LRP2: variants seen among roughly 807,000 people sequenced by gnomAD.
LRP2 encodes LDL receptor related protein 2.
A neutral mutation model predicts 531.0 loss-of-function variants in LRP2; 172 were observed. The ratio of observed to expected loss-of-function variants is 0.32; its 90% confidence interval spans 0.29 to 0.37. LRP2 has a LOEUF of 0.37. Among genes scored for constraint, LRP2 ranks in the 10% least tolerant of loss-of-function variants. The pLI is 1.00. For missense variants in LRP2, 5,167 were observed against 5,868.3 expected (o/e 0.88, Z 3.90); for synonymous variants, 1,992 against 2,027.6 (o/e 0.98, Z 0.47).
chr2:169,245,128 C>A (rs1211971495), intron 21 of LRP2, among the ~76,000 whole-genome samples, 196 bp from the exon 22 acceptor site: 1 of 152,136 alleles, frequency 6.6e-6, no homozygotes, highest in African/African-American at 2.4e-5. Flanking sequence ...ATAGAAAAGG[C>A]ATTTTTCTAA....
At chr2:169,217,392 A>C (rs1326256272) in intron 34 of LRP2, among the ~76,000 whole-genome samples, 1 of 152,078 alleles carries the variant, frequency 6.6e-6, no homozygotes, top group Non-Finnish European at 1.5e-5. Flanking sequence ...GCTTCGACCA[A>C]AACCTCTCAT....
chr2:169,166,137 C>T, intron 61 of LRP2, 83 bp from the exon 62 acceptor site: 2 of 1,456,560 alleles, frequency 1.4e-6, no homozygotes, highest in East Asian at 4.6e-5. Context: ...AGTGTCAGCA[C>T]CAGGCTTGCT....
chr2:169,347,403 A>G (rs1431462318), intron 1 of LRP2, among the ~76,000 whole-genome samples: 1 of 152,158 alleles, frequency 6.6e-6, no homozygotes, highest in African/African-American at 2.4e-5. Flanking sequence ...CTCAGCTCTC[A>G]CTTGGTTGTT....
intron 17 of LRP2, among the ~76,000 whole-genome samples, chr2:169,257,662 A>G (rs1398377804): frequency 1.3e-5 from 2 of 152,106 alleles, no homozygotes; most frequent in Non-Finnish European, 2.9e-5. Context: ...AGGATCCTCT[A>G]GTCATTCTTC....
In LRP2 at chr2:169,128,674, A is replaced by G. The variant is rs748754632; in HGVS notation, c.13957T>C (p.Ser4653Pro). 2 of 1,614,094 alleles carry G rather than the reference A, an allele frequency of 1.2e-6. No homozygotes were observed. The highest frequency in any genetic ancestry group is 3.3e-5 in the Admixed American group (2 of 60,022). The change falls in exon 79 of 79, where the codon TCT (serine) becomes CCT (proline). Residue 4653 changes from serine to proline, a missense_variant. Around this residue, in one of 6 missense-constraint regions of LRP2, gnomAD observed 348 missense variants for 369.3 expected, o/e 0.94. Coordinates refer to ENST00000649046, the MANE Select transcript of LRP2 (RefSeq NM_004525.3). ...AATAGCTGGTATAGCTATACTTCAGAGTCTTCTTTAACAAGATTTGCGGTG... is the reference window on the plus strand; with the variant it reads ...AATAGCTGGTATAGCTATACTTCAGGGTCTTCTTTAACAAGATTTGCGGTG... ...KDTANLVKEDSEV is the reference protein window; with the variant it reads ...KDTANLVKEDPEV
At chr2:169,215,315 T>C (rs1688740364) in intron 35 of LRP2, among the ~76,000 whole-genome samples, 2 of 152,168 alleles carry the variant, frequency 1.3e-5, no homozygotes, top group South Asian at 4.1e-4. Flanking sequence ...CTAGCATATA[T>C]TCAGTTCAGC....
At chr2:169,137,778 C>T (rs746592788) in intron 75 of LRP2, among the ~76,000 whole-genome samples, 7 of 151,564 alleles carry the variant, frequency 4.6e-5, no homozygotes, top group Non-Finnish European at 7.4e-5. Context: ...TATCCAAATT[C>T]TCTTAAATAA....
chr2:169,310,475 T>C (rs543089295), intron 3 of LRP2, among the ~76,000 whole-genome samples: 1 of 152,344 alleles, frequency 6.6e-6, no homozygotes, highest in Non-Finnish European at 1.5e-5. Context: ...GTTTTTGTCT[T>C]TGGTTCTGTT....
rs1574240783 is a variant in LRP2 at position 169,307,176 on chromosome 2, C to A, written c.427+105G>T. ...GCCAAGAGATTGCAATAACAAGAGG[C>A]ATATTGTAGGCATTTATGTCCATCA... On this transcript the variant is annotated intron_variant, in intron 4 of 78. Coordinates refer to ENST00000649046, the MANE Select transcript of LRP2 (RefSeq NM_004525.3). 3.7e-6 allele frequency: 3 copies of A among 801,684 alleles called. No homozygotes were observed. In the East Asian group the frequency reaches 7.3e-5, roughly 20 times the overall value. 49.7% of individuals were successfully genotyped at this position (801,684 alleles called of 1,614,324 possible).
At chr2:169,289,242 G>T in intron 8 of LRP2, 97 bp from the exon 9 acceptor site, 1 of 1,467,592 alleles carries the variant, frequency 6.8e-7, no homozygotes, top group East Asian at 2.3e-5. Flanking sequence ...AGCTCAGTAA[G>T]CATGAAGTAG....
In LRP2 at chr2:169,225,544, G is replaced by A. The variant is rs1205702836; in HGVS notation, c.5395-91C>T. On this transcript the variant is annotated intron_variant, in intron 32 of 78. Coordinates refer to ENST00000649046, the MANE Select transcript of LRP2 (RefSeq NM_004525.3). ...TTCACTGTGGCTACTGCCAGCTGCT[G>A]TATTTCTTGAACAGTCCTTACACTC... 4.8e-6 allele frequency: 7 copies of A among 1,450,680 alleles called. No individual in the cohort carries two copies. The African/African-American group carries it at 7.0e-5, about 14-fold the overall frequency. The allele number at this position is 1,450,680 out of a possible 1,614,324, so 89.9% of individuals were successfully genotyped here.
intron 68 of LRP2, among the ~76,000 whole-genome samples, chr2:169,149,074 T>C (rs1428993011): frequency 6.6e-6 from 1 of 152,240 alleles, no homozygotes. Flanking sequence ...TTGTATCTTA[T>C]ATTATAGTCA....
intron 29 of LRP2, 41 bp downstream of exon 29, chr2:169,235,799 C>T (rs777512901): frequency 1.0e-5 from 15 of 1,453,598 alleles, no homozygotes; most frequent in East Asian, 2.3e-5. Context: ...TACCTATCCA[C>T]GACTGTAGTT....
chr2:169,154,707 T>C (rs377611883), intron 65 of LRP2, 104 bp from the exon 66 acceptor site: 1 of 1,032,476 alleles, frequency 9.7e-7, no homozygotes, highest in Non-Finnish European at 1.5e-6. Context: ...TTAAAGAACA[T>C]GAGTTTTTAT....
intron 1 of LRP2, among the ~76,000 whole-genome samples, chr2:169,349,770 G>A (rs768220708): frequency 9.2e-5 from 14 of 152,186 alleles, no homozygotes; most frequent in Non-Finnish European, 2.1e-4. Context: ...CCTCTGGGTT[G>A]ACCAACAGCT....
chr2:169,351,823 AG>A (rs1685857485), intron 1 of LRP2, among the ~76,000 whole-genome samples: 1 of 152,240 alleles, frequency 6.6e-6, no homozygotes, highest in Non-Finnish European at 1.5e-5. Context: ...AACCAGGATC[AG>A]GGCCTTGCCA....
At chr2:169,225,598 C>A (rs1689175242) in intron 32 of LRP2, 145 bp from the exon 33 acceptor site, 3 of 901,508 alleles carry the variant, frequency 3.3e-6, no homozygotes, top group South Asian at 1.5e-5. Context: ...GGTTCAGCAC[C>A]ACTGGGTAGG....
chr2:169,223,046 G>GA (rs1330159988), intron 33 of LRP2, among the ~76,000 whole-genome samples: 3 of 151,902 alleles, frequency 2.0e-5, no homozygotes, highest in Non-Finnish European at 4.4e-5. Flanking sequence ...CTTAAAGACA[G>GA]AAAAAAAATG....
intron 1 of LRP2, among the ~76,000 whole-genome samples, chr2:169,357,666 A>G (rs1429811299): frequency 1.3e-5 from 2 of 152,124 alleles, no homozygotes; most frequent in Non-Finnish European, 2.9e-5. Context: ...TGTTCTAGCT[A>G]CTAGGACTTA....
Sources: gnomAD v4.1 joint callset for allele counts (sites outside exome capture counted in the v4.1 genomes callset) on GRCh38, gnomAD v4.1.1 for gene constraint, gnomAD v4.1.1 regional missense constraint, MANE v1.5 for transcripts, NCBI Gene and HGNC (gene_info 2026-07-23, HGNC 2026-07-21) for gene names.